GLB1L3: variants seen among roughly 807,000 people sequenced by gnomAD.
GLB1L3 encodes galactosidase beta 1 like 3.
In GLB1L3, 89 loss-of-function variants were observed where a neutral mutation model predicts 89.5. That is an observed-to-expected ratio of 0.99 (90% CI 0.84 to 1.19). The LOEUF is 1.19. Ranked by LOEUF, GLB1L3 falls within the 50% of genes most tolerant of loss-of-function variation. The pLI is 0.00. For synonymous variants in GLB1L3, 314 were observed against 312.3 expected (o/e 1.01, Z -0.06); for missense variants, 812 against 813.3 (o/e 1.00, Z 0.02).
chr11:134,299,060 C>T (rs1273734657), intron 9 of GLB1L3, among the ~76,000 whole-genome samples: 3 of 152,050 alleles, frequency 2.0e-5, no homozygotes, highest in East Asian at 3.9e-4. Flanking sequence ...TCTTTAAGTT[C>T]GTTGATTCAT....
chr11:134,320,187 G>A (rs985390257), downstream of GLB1L3, among the ~76,000 whole-genome samples: 5 of 152,078 alleles, frequency 3.3e-5, no homozygotes, highest in African/African-American at 1.2e-4. Context: ...TAGTGCCTAG[G>A]GCTTTCAAGT....
chr11:134,289,943 C>G (rs1941251417), intron 7 of GLB1L3, among the ~76,000 whole-genome samples: 1 of 152,212 alleles, frequency 6.6e-6, no homozygotes, highest in African/African-American at 2.4e-5. Flanking sequence ...CTGACTCCGC[C>G]CTTGCCTCTG....
chr11:134,323,371 ATG>A (rs1286993152), downstream of GLB1L3, among the ~76,000 whole-genome samples: 2 of 140,706 alleles, frequency 1.4e-5, no homozygotes, highest in Non-Finnish European at 3.0e-5. Context: ...ACACACACAC[ATG>A]CGTGCGCACA....
intron 7 of GLB1L3, among the ~76,000 whole-genome samples, chr11:134,290,580 AAAAAAAAAGAAAAG>A (rs1270287952): frequency 1.2e-4 from 6 of 48,254 alleles, no homozygotes; most frequent in Middle Eastern, 0.011. Context: ...CCCCCCCGCC[AAAAAAAAAGAAAAG>A]AAAAAAAAAG....
rs1384024920 is a variant in GLB1L3, at chr11:134,311,087, A to G, written c.1204A>G (p.Lys402Glu). 6.2e-7 allele frequency: 1 copy of G among 1,613,754 alleles called. No individual in the cohort carries two copies. The highest frequency in any genetic ancestry group is 2.2e-5 in the East Asian group (1 of 44,848). ...AGCAACTCCCCTGCCCCGAGTACCCAAACTTCCTCCCAAGGCTGTGTATCC... is the reference window on the plus strand; with the variant it reads ...AGCAACTCCCCTGCCCCGAGTACCCGAACTTCCTCCCAAGGCTGTGTATCC... The part of the protein sequence containing the change: ...VSATPLPRVP[K>E]LPPKAVYPPV... Residue 402 changes from lysine to glutamate, a missense_variant, in exon 13 of 20, where the codon AAA becomes GAA. Physicochemically the swap from Lys to Glu is moderately conservative, Grantham distance 56. Transcript: ENST00000431683.
chr11:134,308,877 A>G (rs1268167550), intron 10 of GLB1L3, among the ~76,000 whole-genome samples: 1 of 152,210 alleles, frequency 6.6e-6, no homozygotes, highest in Non-Finnish European at 1.5e-5. Context: ...TACAAATAGT[A>G]ACGAGCACAG....
intron 7 of GLB1L3, among the ~76,000 whole-genome samples, chr11:134,289,830 CT>C (rs1397549605): frequency 6.6e-6 from 1 of 152,248 alleles, no homozygotes; most frequent in African/African-American, 2.4e-5. Flanking sequence ...CTGCTGGCCC[CT>C]GACTTCCCAT....
chr11:134,284,572 C>CA (rs1029669113), intron 6 of GLB1L3, among the ~76,000 whole-genome samples: 5 of 151,854 alleles, frequency 3.3e-5, no homozygotes, highest in Admixed American at 3.3e-4. Flanking sequence ...ACTAAAAATA[C>CA]AAAAAAATTA....
the GLB1L3 span, among the ~76,000 whole-genome samples, chr11:134,325,034 A>G: frequency 2.0e-5 from 3 of 152,194 alleles, no homozygotes; most frequent in Admixed American, 6.5e-5. Context: ...ATAAAGTTAT[A>G]AAGCTAATGT....
chr11:134,306,921 A>G (rs1273498505), intron 9 of GLB1L3, among the ~76,000 whole-genome samples: 1 of 152,220 alleles, frequency 6.6e-6, no homozygotes, highest in Non-Finnish European at 1.5e-5. Flanking sequence ...GAGACCATGG[A>G]CGTTTAGGAG....
At chr11:134,300,818 A>G (rs1439553836) in intron 9 of GLB1L3, among the ~76,000 whole-genome samples, 1 of 152,186 alleles carries the variant, frequency 6.6e-6, no homozygotes, top group Non-Finnish European at 1.5e-5. Context: ...TAAGACCCAC[A>G]CTAACAGCCT....
chr11:134,308,422 TCACCATCACCAC>T, intron 10 of GLB1L3, among the ~76,000 whole-genome samples: 1 of 36,502 alleles, frequency 2.7e-5, no homozygotes, highest in East Asian at 8.3e-4. Flanking sequence ...ACCACCATCA[TCACCATCACCAC>T]CACCACCACC....
chr11:134,308,571 CCATCACCATCACCATCAT>C (rs1942522890), intron 10 of GLB1L3, among the ~76,000 whole-genome samples: 1 of 122,700 alleles, frequency 8.1e-6, no homozygotes, highest in Non-Finnish European at 1.7e-5. Flanking sequence ...ACCACCACCA[CCATCACCATCACCATCAT>C]CACCATCACC....
intron 9 of GLB1L3, chr11:134,305,197 T>A (rs755079480): frequency 3.5e-5 from 39 of 1,109,660 alleles, no homozygotes; most frequent in Admixed American, 2.8e-4. Context: ...TCTGTGATTC[T>A]TCCATAATTT....
chr11:134,311,394 C>T (rs1056092422), intron 13 of GLB1L3: 18 of 524,808 alleles, frequency 3.4e-5, no homozygotes, highest in South Asian at 1.8e-4. Context: ...CGGAGGATCC[C>T]GGGTTCCCGC....
At chr11:134,320,831 C>T (rs767398640), downstream of GLB1L3, among the ~76,000 whole-genome samples, 1 of 152,096 alleles carries the variant, frequency 6.6e-6, no homozygotes, top group African/African-American at 2.4e-5. Context: ...TCTGTAGCGG[C>T]CTTTCTCAAT....
Position 134,276,589 on chromosome 11 carries a change from G to T in GLB1L3, c.-152G>T. 1 of 674,108 alleles carries T rather than the reference G, an allele frequency of 1.5e-6. No homozygotes were observed. Among genetic ancestry groups the T allele is most frequent in the South Asian group, 6.5e-5 (1 of 15,406 alleles). 41.8% of individuals were successfully genotyped at this position (674,108 alleles called of 1,614,324 possible). A position where few individuals can be genotyped will look rare whatever the true frequency, so the allele number is the denominator to read the frequency against. On this transcript the variant is annotated 5_prime_UTR_variant, in exon 1 of 20. Transcript: ENST00000431683. ...GACCCGGACCCGGCGCCCGCGCCTC[G>T]GGACGGATTTCTGCCTCGGCTGCAG... is the stretch of plus-strand genomic sequence containing the variant.
intron 18 of GLB1L3, among the ~76,000 whole-genome samples, chr11:134,316,055 A>C (rs1942965171): frequency 6.6e-6 from 1 of 152,156 alleles, no homozygotes; most frequent in Admixed American, 6.5e-5. Flanking sequence ...TCACAATGCT[A>C]TGCAGCCTCT....
At position 134,290,541 on chromosome 11, in the gene GLB1L3, C is replaced by T. The variant is rs571560008; in HGVS notation, c.730-1591C>T. On this transcript the variant is annotated intron_variant, in intron 7 of 19. Transcript: ENST00000431683. ...TGAGCCGAGATTATGCCACTGGACT[C>T]CAGCCTGGGTGACAGAGTGAGACTC... Among the ~76,000 whole-genome samples the T allele has an allele frequency of 2.0e-5, 3 of 149,522 alleles. No individual in the cohort carries two copies. In the South Asian group the frequency reaches 6.3e-4, roughly 32 times the overall value.
Sources: allele counts gnomAD v4.1 joint callset (sites outside exome capture counted in the v4.1 genomes callset), GRCh38; gene constraint gnomAD v4.1.1; transcripts MANE v1.5; gene names NCBI Gene and HGNC (gene_info 2026-07-23, HGNC 2026-07-21).